The following ITGA11 variants were observed in gnomAD, a reference collection of about 807,000 sequenced individuals.
The protein encoded by ITGA11 is integrin alpha-11.
ITGA11 carries 97 observed loss-of-function variants against 141.9 expected under a neutral mutation model. That is an observed-to-expected ratio of 0.68 (90% confidence interval 0.58 to 0.81). The LOEUF (loss-of-function observed/expected upper bound fraction) is 0.81. Among genes scored for constraint, ITGA11 ranks in the 30% least tolerant of loss-of-function variants. ITGA11 has a pLI of 0.00. For synonymous variants in ITGA11, 658 were observed against 624.6 expected (o/e 1.05, Z -0.80); for missense variants, 1,387 against 1,559.2 (o/e 0.89, Z 1.86).
rs201167323 is a variant in ITGA11, at chr15:68,313,886, C to T, written c.2793-18G>A. 1.2e-5 allele frequency: 19 copies of T among 1,609,024 alleles called. No individual in the cohort carries two copies. The East Asian group carries it at 1.6e-4, about 13-fold the overall frequency. Reference sequence around the variant, plus strand: ...TACTGTCACTGCAAGGAGAGCCAGGCGGCAAGGTCAGGAAGGGGCTCAGCC... The same window carrying T: ...TACTGTCACTGCAAGGAGAGCCAGGTGGCAAGGTCAGGAAGGGGCTCAGCC... On this transcript the variant is annotated intron_variant, in intron 22 of 29. Transcript: ENST00000315757.
chr15:68,308,003 C>T lies in ITGA11; in HGVS notation c.3175-307G>A, dbSNP rs1893257312. 6.6e-6 allele frequency among the ~76,000 whole-genome samples: 1 copy of T among 152,108 alleles called. No homozygotes were observed. Among genetic ancestry groups the T allele is most frequent in the Admixed American group, 6.5e-5 (1 of 15,278 alleles). On this transcript the variant is annotated intron_variant, in intron 26 of 29. Transcript: ENST00000315757. The surrounding 1 kb of genome is among the most constrained non-coding windows in gnomAD (Gnocchi z 5.2). ...AATGTTTCCTATCACCATATAAACA[C>T]ATTAAGATAAAAAATTCTATGATCG...
chr15:68,417,256 T>C (rs774645145), intron 1 of ITGA11, among the ~76,000 whole-genome samples: 7 of 152,190 alleles, frequency 4.6e-5, no homozygotes, highest in Admixed American at 2.0e-4. Flanking sequence ...GCTTCTTAAA[T>C]GGTTTTGTCC....
chr15:68,362,339 ACC>A (rs1244266725), intron 4 of ITGA11, among the ~76,000 whole-genome samples: 11 of 152,258 alleles, frequency 7.2e-5, no homozygotes, highest in Non-Finnish European at 8.8e-5. Context: ...CTATCAGGAA[ACC>A]CAGAGCTAAA....
Position 68,328,760 on chromosome 15 carries a change from G to T in ITGA11, c.1902-498C>A, listed in dbSNP as rs79969968. Reference sequence around the variant, plus strand: ...GGGATCATGTTAAAATGCAGATTTTGATCCAATAGCTTGGCACTGATTTTG... The same window carrying T: ...GGGATCATGTTAAAATGCAGATTTTTATCCAATAGCTTGGCACTGATTTTG... On this transcript the variant is annotated intron_variant, in intron 15 of 29. Coordinates refer to ENST00000315757, the MANE Select transcript of ITGA11 (RefSeq NM_001004439.2). This position sits in a 1 kb window ranked among gnomAD's most constrained non-coding sequence, Gnocchi z 4.8. Among the ~76,000 whole-genome samples, 171 of 152,268 alleles carry T rather than the reference G, an allele frequency of 1.1e-3. 1 individual carries two copies. Among genetic ancestry groups the T allele is most frequent in the Admixed American group, 2.6e-3 (40 of 15,300 alleles).
At chr15:68,385,251 G>A (rs567904084) in intron 2 of ITGA11, among the ~76,000 whole-genome samples, 34 of 152,346 alleles carry the variant, frequency 2.2e-4, no homozygotes, top group Admixed American at 1.4e-3. Context: ...TCTCCCTGTA[G>A]TGAGGAGCTA....
In ITGA11 at chr15:68,303,949, A is replaced by T; in HGVS notation, c.3382-64T>A. On this transcript the variant is annotated intron_variant, in intron 28 of 29. Coordinates refer to ENST00000315757, the MANE Select transcript of ITGA11 (RefSeq NM_001004439.2). The surrounding 1 kb of genome is among the most constrained non-coding windows in gnomAD (Gnocchi z 5.3). Reference sequence around the variant, plus strand: ...TCTGGGGCTGGGGTGGCAGTCTGGGAGGGGCAGGAGGGTGGAGACAGCTGG... The same window carrying T: ...TCTGGGGCTGGGGTGGCAGTCTGGGTGGGGCAGGAGGGTGGAGACAGCTGG... 14 of 956,042 alleles carry T rather than the reference A, an allele frequency of 1.5e-5. No homozygotes were observed. Among genetic ancestry groups the T allele is most frequent in the Non-Finnish European group, 2.2e-5 (13 of 604,610 alleles). 59.2% of individuals were successfully genotyped at this position (956,042 alleles called of 1,614,324 possible). A position where few individuals can be genotyped will look rare whatever the true frequency, so the allele number is the denominator to read the frequency against.
chr15:68,306,325 CTGTG>C (rs140803928), intron 28 of ITGA11, among the ~76,000 whole-genome samples: 1 of 151,352 alleles, frequency 6.6e-6, no homozygotes, highest in Admixed American at 6.6e-5. Context: ...CTCTCTCTCT[CTGTG>C]TGTGTGAGCA....
intron 2 of ITGA11, among the ~76,000 whole-genome samples, chr15:68,388,712 C>T (rs1369539404): frequency 6.6e-6 from 1 of 152,198 alleles, no homozygotes; most frequent in African/African-American, 2.4e-5. Flanking sequence ...ATCCTCTTTG[C>T]TCACCTAGAC....
chr15:68,326,406 C>T lies in ITGA11; in HGVS notation c.2211+248G>A, dbSNP rs1316192106. ...TGCTGGACCTACTGAGCCCACCTTCCTCCCTTCGGCATCTGAGAGTGGCAG... is the reference window on the plus strand; with the variant it reads ...TGCTGGACCTACTGAGCCCACCTTCTTCCCTTCGGCATCTGAGAGTGGCAG... On this transcript the variant is annotated intron_variant, in intron 17 of 29. Transcript: ENST00000315757. This position sits in a 1 kb window ranked among gnomAD's most constrained non-coding sequence, Gnocchi z 6.8. Among the ~76,000 whole-genome samples the T allele has an allele frequency of 6.6e-6, 1 of 152,164 alleles. No individual in the cohort carries two copies. The highest frequency in any genetic ancestry group is 1.5e-5 in the Non-Finnish European group (1 of 68,046).
chr15:68,335,871 C>T lies in ITGA11; in HGVS notation c.1277-26G>A, dbSNP rs1193215744. 5 of 1,606,656 alleles carry T rather than the reference C, an allele frequency of 3.1e-6. No homozygotes were observed. Among genetic ancestry groups the T allele is most frequent in the Admixed American group, 1.7e-5 (1 of 59,060 alleles). On this transcript the variant is annotated intron_variant, in intron 11 of 29. Coordinates refer to ENST00000315757, the MANE Select transcript of ITGA11 (RefSeq NM_001004439.2). This position sits in a 1 kb window ranked among gnomAD's most constrained non-coding sequence, Gnocchi z 4.9. ...CTGCCACAGGAGGAAACAGGCTGATCTTTGGCACCGTGTCCTCAGCAGGCG... is the reference window on the plus strand; with the variant it reads ...CTGCCACAGGAGGAAACAGGCTGATTTTTGGCACCGTGTCCTCAGCAGGCG...
rs1893822760 is a variant in ITGA11 at position 68,321,766 on chromosome 15, A to T, written c.2323-263T>A. On this transcript the variant is annotated intron_variant, in intron 18 of 29. Coordinates refer to ENST00000315757, the MANE Select transcript of ITGA11 (RefSeq NM_001004439.2). The surrounding 1 kb of genome is among the most constrained non-coding windows in gnomAD (Gnocchi z 4.9). ...ACCCCCACCCCCACTCACCCAGCAG[A>T]GCGGTTCTGGTCAACATTTATTGAT... Among the ~76,000 whole-genome samples the T allele has an allele frequency of 6.6e-6, 1 of 152,128 alleles. No homozygotes were observed. The highest frequency in any genetic ancestry group is 1.5e-5 in the Non-Finnish European group (1 of 68,006).
At position 68,333,750 on chromosome 15, in the gene ITGA11, C is replaced by T. The variant is rs1894255758; in HGVS notation, c.1426-1272G>A. ...CGTGGCCTCTAACACCACTCCACCT[C>T]TTGCTTTTGGGATAGTATCTAAACT... On this transcript the variant is annotated intron_variant, in intron 12 of 29. Coordinates refer to ENST00000315757, the MANE Select transcript of ITGA11 (RefSeq NM_001004439.2). This position sits in a 1 kb window ranked among gnomAD's most constrained non-coding sequence, Gnocchi z 4.2. 6.6e-6 allele frequency among the ~76,000 whole-genome samples: 1 copy of T among 152,220 alleles called. No homozygotes were observed. Among genetic ancestry groups the T allele is most frequent in the African/African-American group, 2.4e-5 (1 of 41,456 alleles).
At chr15:68,372,583 G>A (rs904251073) in intron 2 of ITGA11, among the ~76,000 whole-genome samples, 1 of 152,224 alleles carries the variant, frequency 6.6e-6, no homozygotes, top group Non-Finnish European at 1.5e-5. Context: ...AGACATTCCA[G>A]CCACAGCCCT....
At position 68,357,148 on chromosome 15, in the gene ITGA11, T is replaced by TA; in HGVS notation, c.749+2dup. 1 of 1,604,754 alleles carries TA rather than the reference T, an allele frequency of 6.2e-7. No homozygotes were observed. Among genetic ancestry groups the TA allele is most frequent in the South Asian group, 1.1e-5 (1 of 88,566 alleles). On this transcript the variant is annotated splice_region_variant and intron_variant, in intron 7 of 29. Coordinates refer to ENST00000315757, the MANE Select transcript of ITGA11 (RefSeq NM_001004439.2). ...AATTTTTTTTGTTCTACTTTTTTTT[T>TA]ACCGTGCAAATTCAATGCCAAATGC...
chr15:68,350,721 T>C lies in ITGA11; in HGVS notation c.956A>G (p.Tyr319Cys), dbSNP rs752927275. 6.2e-7 allele frequency: 1 copy of C among 1,613,912 alleles called. No homozygotes were observed. Among genetic ancestry groups the C allele is most frequent in the Non-Finnish European group, 8.5e-7 (1 of 1,179,842 alleles). The change falls in exon 9 of 30, where the codon TAC (tyrosine) becomes TGC (cysteine). Residue 319 changes from tyrosine (Y) to cysteine (C), a missense_variant. Transcript: ENST00000315757. The stretch of plus-strand genomic sequence containing the variant: ...CTTGTCATCAGGGTCACTGGCGATG[T>C]ATTTGATTTCATTTAGAAAAGTTTC... ...NPETFLNEIK[Y>C]IASDPDDKHF...
rs1894037463 is a variant in ITGA11 at position 68,328,082 on chromosome 15, G to A, written c.2068+14C>T. On this transcript the variant is annotated intron_variant, in intron 16 of 29. Coordinates refer to ENST00000315757, the MANE Select transcript of ITGA11 (RefSeq NM_001004439.2). The surrounding 1 kb of genome is among the most constrained non-coding windows in gnomAD (Gnocchi z 4.8). The stretch of plus-strand genomic sequence containing the variant: ...GGAGTCTGGGGGTGGGGAGAAAGGA[G>A]GGGCCTGCTTTACCAACAGTTGTTG... 6.2e-7 allele frequency: 1 copy of A among 1,610,260 alleles called. No homozygotes were observed. Among genetic ancestry groups the A allele is most frequent in the African/African-American group, 1.3e-5 (1 of 75,020 alleles).
At chr15:68,427,371 C>A (rs1897167842) in intron 1 of ITGA11, among the ~76,000 whole-genome samples, 1 of 152,082 alleles carries the variant, frequency 6.6e-6, no homozygotes, top group Non-Finnish European at 1.5e-5. Context: ...TGTTATTTTG[C>A]CCATTTTACA....
At chr15:68,415,126 A>G (rs184946590) in intron 1 of ITGA11, among the ~76,000 whole-genome samples, 1 of 152,322 alleles carries the variant, frequency 6.6e-6, no homozygotes, top group East Asian at 1.9e-4. Flanking sequence ...CTCTCTGCTA[A>G]CTTGGCCTTA....
intron 1 of ITGA11, among the ~76,000 whole-genome samples, chr15:68,410,625 C>T (rs915080088): frequency 2.6e-5 from 4 of 152,208 alleles, no homozygotes; most frequent in African/African-American, 7.2e-5. Context: ...TTTGCCCTGG[C>T]GAGCAGGGAA....
Sources: allele counts gnomAD v4.1 joint callset (sites outside exome capture counted in the v4.1 genomes callset), GRCh38; gene constraint gnomAD v4.1.1; non-coding constraint Gnocchi (gnomAD v3.1); transcripts MANE v1.5; gene names NCBI Gene and HGNC (gene_info 2026-07-23, HGNC 2026-07-21).